The following GLRA3 variants were observed in gnomAD, a reference collection of about 807,000 sequenced individuals.
The protein encoded by GLRA3 is glycine receptor alpha 3, also known as glycine receptor subunit alpha-3.
In GLRA3, 44 loss-of-function variants were observed where a neutral mutation model predicts 60.4. The ratio of observed to expected loss-of-function variants is 0.73; its 90% CI spans 0.57 to 0.94. GLRA3 has a LOEUF of 0.94. Ranked by LOEUF, GLRA3 falls within the 40% of genes least tolerant of loss-of-function variation. The pLI, the probability that GLRA3 is intolerant of heterozygous loss-of-function variation, is 0.00. For missense variants in GLRA3, 508 were observed against 564.6 expected, an observed-to-expected ratio of 0.90 and a Z score of 1.02; for synonymous variants, 223 against 192.9, an observed-to-expected ratio of 1.16 and a Z score of -1.29.
At chr4:174,773,719 C>T (rs1738484691) in intron 2 of GLRA3, among the ~76,000 whole-genome samples, 1 of 152,062 alleles carries the variant, frequency 6.6e-6, no homozygotes, top group South Asian at 2.1e-4. Context: ...CTGTTAGGTG[C>T]TTTAAAAAGG....
rs1425146945 is a variant in GLRA3, at chr4:174,637,736, T to A, written c.*6050A>T. 1 of 152,220 alleles carries A rather than the reference T, an allele frequency of 6.6e-6. No individual in the cohort carries two copies. The highest frequency in any genetic ancestry group is 6.5e-5 in the Admixed American group (1 of 15,280). The allele number at this position is 152,220 out of a possible 1,614,324, so 9.4% of individuals were successfully genotyped here. ...TGCTGCTAGTTTTTTTAAATTCATA[T>A]TACTTTGTAGAGTTTTATATAATAT... On this transcript the variant is annotated 3_prime_UTR_variant, in exon 10 of 10. Coordinates refer to ENST00000274093, the MANE Select transcript of GLRA3 (RefSeq NM_006529.4).
intron 2 of GLRA3, among the ~76,000 whole-genome samples, chr4:174,780,716 A>G (rs1175649298): frequency 4.6e-5 from 7 of 151,566 alleles, no homozygotes; most frequent in Admixed American, 4.6e-4. Context: ...AGAGACAAAG[A>G]AGGCCATTAC....
chr4:174,811,041 T>C (rs1740247788), intron 1 of GLRA3, among the ~76,000 whole-genome samples: 1 of 152,058 alleles, frequency 6.6e-6, no homozygotes, highest in South Asian at 2.1e-4. Flanking sequence ...ACAATTCATC[T>C]TTACAGTTTG....
intron 9 of GLRA3, among the ~76,000 whole-genome samples, chr4:174,645,174 G>T (rs148456833): frequency 1.2e-3 from 176 of 152,224 alleles, no homozygotes; most frequent in African/African-American, 3.9e-3. Flanking sequence ...AGCACTTTGG[G>T]AGGCTGAGGC....
At chr4:174,750,972 CTT>C (rs1737450090) in intron 3 of GLRA3, among the ~76,000 whole-genome samples, 1 of 151,976 alleles carries the variant, frequency 6.6e-6, no homozygotes, top group Non-Finnish European at 1.5e-5. Context: ...TCATGAAGAA[CTT>C]TTACATAGGG....
At chr4:174,721,096 T>C (rs112087808) in intron 4 of GLRA3, among the ~76,000 whole-genome samples, 6 of 151,944 alleles carry the variant, frequency 3.9e-5, no homozygotes, top group African/African-American at 1.4e-4. Context: ...TGGTGTGATC[T>C]TGGCACACTG....
intron 3 of GLRA3, among the ~76,000 whole-genome samples, chr4:174,734,460 T>C (rs1406115870): frequency 6.6e-6 from 1 of 152,234 alleles, no homozygotes; most frequent in East Asian, 1.9e-4. Context: ...TGCCTTTCAA[T>C]TCTCAGTTAC....
At chr4:174,757,318 T>G (rs6828113) in intron 3 of GLRA3, among the ~76,000 whole-genome samples, 144,040 of 152,168 alleles carry the variant, frequency 0.95, 68,652 homozygotes, top group East Asian at 1. Context: ...CTGTCTGCTG[T>G]GAAGCCTAGA....
intron 7 of GLRA3, among the ~76,000 whole-genome samples, chr4:174,659,849 A>T (rs1264836913): frequency 1.3e-5 from 2 of 151,724 alleles, no homozygotes; most frequent in African/African-American, 4.8e-5. Context: ...GCGGGCGCCT[A>T]TAATCCCAGC....
At chr4:174,804,093 C>T (rs1205795254) in intron 1 of GLRA3, among the ~76,000 whole-genome samples, 1 of 151,944 alleles carries the variant, frequency 6.6e-6, no homozygotes, top group East Asian at 1.9e-4. Flanking sequence ...TTTTGGTATA[C>T]TAAGCAAGAT....
At chr4:174,724,039 T>C (rs1166002200) in intron 4 of GLRA3, among the ~76,000 whole-genome samples, 3 of 133,264 alleles carry the variant, frequency 2.3e-5, no homozygotes, top group Non-Finnish European at 5.1e-5. Flanking sequence ...TAGCTATGCA[T>C]ATATATATTT....
At chr4:174,725,135 A>C (rs1384225630) in intron 4 of GLRA3, among the ~76,000 whole-genome samples, 1 of 152,184 alleles carries the variant, frequency 6.6e-6, no homozygotes, top group East Asian at 1.9e-4. Context: ...CTCTGATGAC[A>C]TGAATGTTAG....
At chr4:174,666,307 A>C (rs1406404196) in intron 7 of GLRA3, among the ~76,000 whole-genome samples, 1 of 152,156 alleles carries the variant, frequency 6.6e-6, no homozygotes, top group East Asian at 1.9e-4. Flanking sequence ...TCAACTTCCT[A>C]GTAGACAACG....
At chr4:174,783,535 C>G (rs1738986260) in intron 2 of GLRA3, among the ~76,000 whole-genome samples, 1 of 139,632 alleles carries the variant, frequency 7.2e-6, no homozygotes, top group Non-Finnish European at 1.6e-5. Flanking sequence ...AACAGGCAAC[C>G]TACAAAATGG....
At chr4:174,707,450 C>T (rs1007090719) in intron 5 of GLRA3, among the ~76,000 whole-genome samples, 9 of 151,994 alleles carry the variant, frequency 5.9e-5, no homozygotes, top group African/African-American at 2.2e-4. Flanking sequence ...TGAGTCAAGA[C>T]TGTTTTGCAG....
chr4:174,754,336 T>G (rs183237461), intron 3 of GLRA3, among the ~76,000 whole-genome samples: 4 of 152,246 alleles, frequency 2.6e-5, no homozygotes, highest in Admixed American at 2.6e-4. Context: ...TGCCAATCAC[T>G]GGTTACTCAT....
At chr4:174,662,255 A>G (rs1381684530) in intron 7 of GLRA3, among the ~76,000 whole-genome samples, 1 of 152,206 alleles carries the variant, frequency 6.6e-6, no homozygotes, top group African/African-American at 2.4e-5. Context: ...TTTGCCAAGT[A>G]TTAGAAATAA....
At chr4:174,803,794 G>GA (rs1160754548) in intron 1 of GLRA3, among the ~76,000 whole-genome samples, 2 of 152,054 alleles carry the variant, frequency 1.3e-5, no homozygotes, top group Admixed American at 6.6e-5. Context: ...CTCAAATGTA[G>GA]AAAAAACAGA....
Position 174,766,741 on chromosome 4 carries a change from T to C in GLRA3, c.267+222A>G, listed in dbSNP as rs554337301. On this transcript the variant is annotated intron_variant, in intron 3 of 9. Coordinates refer to ENST00000274093, the MANE Select transcript of GLRA3 (RefSeq NM_006529.4). ...TGAAGTTTAATATTAGATTGTTGAATGGAGAAAATCAATGTTGTTTTCACT... is the reference window on the plus strand; with the variant it reads ...TGAAGTTTAATATTAGATTGTTGAACGGAGAAAATCAATGTTGTTTTCACT... 2.3e-3 allele frequency among the ~76,000 whole-genome samples: 352 copies of C among 152,188 alleles called. 2 individuals are homozygous for C. Among genetic ancestry groups the C allele is most frequent in the South Asian group, 0.013 (61 of 4,830 alleles).
Sources: allele counts gnomAD v4.1 joint callset (sites outside exome capture counted in the v4.1 genomes callset), GRCh38; gene constraint gnomAD v4.1.1; transcripts MANE v1.5; gene names NCBI Gene and HGNC (gene_info 2026-07-23, HGNC 2026-07-21).